Variants in FBXL13 observed in about 807,000 individuals in gnomAD.
FBXL13 encodes the protein F-box and leucine-rich repeat protein 13.
In FBXL13, 67 loss-of-function variants were observed where a neutral mutation model predicts 83.6. The ratio of observed to expected loss-of-function variants is 0.80; its 90% CI spans 0.66 to 0.98. The LOEUF (loss-of-function observed/expected upper bound fraction) is 0.98, where lower values mean the gene tolerates loss of function less well. Ranked by LOEUF, FBXL13 falls within the 50% of genes least tolerant of loss-of-function variation. FBXL13 has a pLI of 0.00. For synonymous variants in FBXL13, 272 were observed against 299.5 expected (o/e 0.91, Z 0.95); for missense variants, 822 against 866.5 (o/e 0.95, Z 0.64).
At chr7:103,020,092 C>T (rs559105529) in intron 6 of FBXL13, among the ~76,000 whole-genome samples, 38 of 152,210 alleles carry the variant, frequency 2.5e-4, no homozygotes, top group Non-Finnish European at 5.0e-4. Context: ...ACTGGCAAAC[C>T]GAATCCAGCA....
chr7:103,037,366 G>A (rs1307063909), intron 2 of FBXL13, among the ~76,000 whole-genome samples: 2 of 152,076 alleles, frequency 1.3e-5, no homozygotes, highest in African/African-American at 4.8e-5. Flanking sequence ...CAGCCCCTAA[G>A]GGTCTTAAGA....
chr7:102,954,348 A>G (rs2129477669), intron 8 of FBXL13, among the ~76,000 whole-genome samples: 1 of 152,322 alleles, frequency 6.6e-6, no homozygotes. Context: ...ATGCTGAGAG[A>G]TTTTGTCACC....
chr7:102,908,918 C>G (rs964785333), intron 11 of FBXL13, among the ~76,000 whole-genome samples: 1 of 152,228 alleles, frequency 6.6e-6, no homozygotes, highest in Non-Finnish European at 1.5e-5. Context: ...ATTGTTCACT[C>G]AAGGCCCTGG....
At chr7:102,898,550 C>T (rs146945526) in intron 11 of FBXL13, among the ~76,000 whole-genome samples, 92 of 152,202 alleles carry the variant, frequency 6.0e-4, no homozygotes, top group African/African-American at 1.7e-3. Flanking sequence ...CTCAGTCTCC[C>T]GAAGTGTGGG....
rs147631423 is a variant in FBXL13, at chr7:102,843,762, C to T, written c.1720-10788G>A. Among the ~76,000 whole-genome samples the T allele has an allele frequency of 0.014, 2,139 of 151,984 alleles. 120 individuals are homozygous for T. In the East Asian group the frequency reaches 0.16, roughly 11 times the overall value. ...CTGCACTCCAGCCTGGGCGACAGAGCGAGACTCCGTCTTAATAAAAAAAAT... is the reference window on the plus strand; with the variant it reads ...CTGCACTCCAGCCTGGGCGACAGAGTGAGACTCCGTCTTAATAAAAAAAAT... On this transcript the variant is annotated intron_variant, in intron 17 of 19. Coordinates refer to ENST00000313221, the Ensembl canonical transcript of FBXL13.
chr7:102,946,910 G>A (rs141511771), intron 8 of FBXL13, among the ~76,000 whole-genome samples: 206 of 151,814 alleles, frequency 1.4e-3, no homozygotes, highest in African/African-American at 4.7e-3. Flanking sequence ...TCTTGACCTC[G>A]GGTGATCTGC....
At position 102,823,607 on chromosome 7, in the gene FBXL13, T is replaced by C. The variant is rs114456052; in HGVS notation, c.1855-1404A>G. Among the ~76,000 whole-genome samples the C allele has an allele frequency of 4.3e-3, 653 of 152,358 alleles. 6 individuals are homozygous for C. The highest frequency in any genetic ancestry group is 0.015 in the African/African-American group (626 of 41,578). On this transcript the variant is annotated intron_variant, in intron 18 of 19. Coordinates refer to ENST00000313221, the Ensembl canonical transcript of FBXL13. The stretch of plus-strand genomic sequence containing the variant: ...ACTTACTCCAGGATAAGCTTTCAAA[T>C]TTATAGCTAAACTGAGCCTTGCTGC...
At chr7:103,071,626 G>T (rs926896576) in intron 1 of FBXL13, among the ~76,000 whole-genome samples, 1 of 149,412 alleles carries the variant, frequency 6.7e-6, no homozygotes, top group Non-Finnish European at 1.5e-5. Flanking sequence ...TTGAACTCCT[G>T]GCAAGCAATC....
intron 18 of FBXL13, among the ~76,000 whole-genome samples, chr7:102,827,702 G>T (rs974532827): frequency 1.3e-5 from 2 of 151,950 alleles, no homozygotes; most frequent in African/African-American, 4.8e-5. Context: ...ACAGGCCATG[G>T]TGTGTGATGT....
rs902789055 is a variant in FBXL13, at chr7:102,919,136, C to T, written c.879-5921G>A. 3.3e-5 allele frequency among the ~76,000 whole-genome samples: 5 copies of T among 152,180 alleles called. No homozygotes were observed. The East Asian group carries it at 9.6e-4, about 29-fold the overall frequency. ...ACATTCAATGACATTGTGTTGATAG[C>T]TTAAAATCGGCCACAGTGGAATTAT... On this transcript the variant is annotated intron_variant, in intron 10 of 19. Coordinates refer to ENST00000313221, the Ensembl canonical transcript of FBXL13.
intron 1 of FBXL13, among the ~76,000 whole-genome samples, chr7:103,059,548 T>G (rs1797656265): frequency 6.6e-6 from 1 of 152,208 alleles, no homozygotes; most frequent in African/African-American, 2.4e-5. Context: ...GCCTTATTAT[T>G]AATAATATTC....
intron 1 of FBXL13, among the ~76,000 whole-genome samples, chr7:103,065,127 A>C (rs1225918829): frequency 6.6e-6 from 1 of 152,232 alleles, no homozygotes; most frequent in Non-Finnish European, 1.5e-5. Context: ...CTACACAGCC[A>C]AATCAAATCT....
intron 11 of FBXL13, among the ~76,000 whole-genome samples, chr7:102,911,829 T>C (rs879839175): frequency 1.1e-4 from 16 of 152,168 alleles, no homozygotes; most frequent in Admixed American, 1.0e-3. Context: ...ATGGTAGATG[T>C]TGATGTTTAA....
intron 1 of FBXL13, among the ~76,000 whole-genome samples, chr7:103,066,444 T>C (rs1202465625): frequency 1.3e-5 from 2 of 152,028 alleles, no homozygotes; most frequent in Non-Finnish European, 2.9e-5. Flanking sequence ...CAGGCTGGAA[T>C]GTAGCGGTGC....
intron 6 of FBXL13, among the ~76,000 whole-genome samples, chr7:103,014,644 C>A (rs1792035623): frequency 6.6e-6 from 1 of 152,004 alleles, no homozygotes; most frequent in Admixed American, 6.5e-5. Context: ...GCAAACTGGG[C>A]CGGGCGCGGT....
At chr7:102,887,936 G>GA (rs1320957731) in intron 11 of FBXL13, among the ~76,000 whole-genome samples, 1 of 152,046 alleles carries the variant, frequency 6.6e-6, no homozygotes, top group Non-Finnish European at 1.5e-5. Flanking sequence ...TGTATAGTCA[G>GA]AAAAAAAGAG....
At chr7:103,059,345 G>T (rs73410129) in intron 1 of FBXL13, among the ~76,000 whole-genome samples, 1 of 152,124 alleles carries the variant, frequency 6.6e-6, no homozygotes, top group African/African-American at 2.4e-5. Context: ...AGCACAGCAT[G>T]ATATTTTTTG....
chr7:103,000,530 T>C (rs1790275568), intron 6 of FBXL13, among the ~76,000 whole-genome samples: 1 of 152,216 alleles, frequency 6.6e-6, no homozygotes, highest in African/African-American at 2.4e-5. Context: ...GGAGAATGCT[T>C]TACATGCTAA....
chr7:102,858,936 C>T (rs1428283844), intron 16 of FBXL13, among the ~76,000 whole-genome samples: 3 of 152,088 alleles, frequency 2.0e-5, no homozygotes, highest in Non-Finnish European at 2.9e-5. Context: ...AGTTCCACCA[C>T]AAACAAACAT....
Sources: gnomAD v4.1 joint callset for allele counts (sites outside exome capture counted in the v4.1 genomes callset) on GRCh38, gnomAD v4.1.1 for gene constraint, MANE v1.5 for transcripts, NCBI Gene and HGNC (gene_info 2026-07-23, HGNC 2026-07-21) for gene names.